Variants in SPMIP3 observed in about 807,000 individuals in gnomAD.
SPMIP3 encodes the protein protein SPMIP3.
chr1:244,373,491 C>A, the SPMIP3 span, among the ~76,000 whole-genome samples: 1 of 150,858 alleles, frequency 6.6e-6, no homozygotes, highest in Non-Finnish European at 1.5e-5. Flanking sequence ...CAGTGAGACT[C>A]CATCTCTAAA....
chr1:244,358,607 A>G, the SPMIP3 span, among the ~76,000 whole-genome samples: 2 of 101,718 alleles, frequency 2.0e-5, no homozygotes, highest in Admixed American at 1.3e-4. Flanking sequence ...TTAAGTATGT[A>G]TGTGTATGTG....
chr1:244,373,216 T>TA, the SPMIP3 span, among the ~76,000 whole-genome samples: 215 of 150,356 alleles, frequency 1.4e-3, 3 homozygotes, highest in East Asian at 0.017. Context: ...CCCTGTCTTT[T>TA]AAAAAAAATG....
chr1:244,358,229 CAAAAAGAAAAAGAAAA>C, the SPMIP3 span, among the ~76,000 whole-genome samples: 3 of 134,652 alleles, frequency 2.2e-5, no homozygotes, highest in Non-Finnish European at 5.1e-5. Context: ...GACTCTGTCT[CAAAAAGAAAAAGAAAA>C]GAAAAGAAAA....
At chr1:244,378,817 T>A in the SPMIP3 span, among the ~76,000 whole-genome samples, 1 of 151,122 alleles carries the variant, frequency 6.6e-6, no homozygotes, top group East Asian at 2.0e-4. Flanking sequence ...TTCCCAAGGC[T>A]CCCCGCTACC....
chr1:244,367,074 G>A, the SPMIP3 span, among the ~76,000 whole-genome samples: 1 of 152,198 alleles, frequency 6.6e-6, no homozygotes, highest in Non-Finnish European at 1.5e-5. Context: ...ATAGGGGCAG[G>A]GGGTGGGAGA....
the SPMIP3 span, chr1:244,375,450 T>C: frequency 6.2e-7 from 1 of 1,613,750 alleles, no homozygotes; most frequent in Non-Finnish European, 8.5e-7. Flanking sequence ...TTGATCATAG[T>C]GCAAAGAGAG....
chr1:244,376,695 A>C, the SPMIP3 span, among the ~76,000 whole-genome samples: 8 of 152,226 alleles, frequency 5.3e-5, no homozygotes, highest in Non-Finnish European at 1.2e-4. Context: ...TTATCCATTT[A>C]ATTCAATTGA....
chr1:244,389,076 C>A, the SPMIP3 span: 1 of 1,599,088 alleles, frequency 6.3e-7, no homozygotes, highest in Non-Finnish European at 8.6e-7. Flanking sequence ...ATAACCACGG[C>A]ATTCGAACAA....
the SPMIP3 span, among the ~76,000 whole-genome samples, chr1:244,373,461 C>CTGCACTA: frequency 2.0e-5 from 3 of 149,952 alleles, no homozygotes; most frequent in Non-Finnish European, 1.5e-5. Flanking sequence ...TATGATCACA[C>CTGCACTA]TGCACTATAG....
At chr1:244,387,078 G>T in the SPMIP3 span, among the ~76,000 whole-genome samples, 2 of 152,310 alleles carry the variant, frequency 1.3e-5, no homozygotes, top group South Asian at 2.1e-4. Context: ...CAAGGTGGGC[G>T]GATCACTTGG....
At chr1:244,368,150 G>A in the SPMIP3 span, among the ~76,000 whole-genome samples, 2 of 152,014 alleles carry the variant, frequency 1.3e-5, no homozygotes, top group Non-Finnish European at 2.9e-5. Context: ...GTAGAGACAA[G>A]GTTTCACCAT....
the SPMIP3 span, among the ~76,000 whole-genome samples, chr1:244,355,841 C>A: frequency 1.3e-5 from 2 of 152,186 alleles, no homozygotes; most frequent in Admixed American, 6.5e-5. Context: ...TCTCTGGTTT[C>A]TTTCGTCAAC....
At chr1:244,369,717 G>A in the SPMIP3 span, among the ~76,000 whole-genome samples, 1 of 152,162 alleles carries the variant, frequency 6.6e-6, no homozygotes, top group Non-Finnish European at 1.5e-5. Context: ...AACGTGAGAA[G>A]AACTGGTTAG....
chr1:244,384,153 C>A, the SPMIP3 span, among the ~76,000 whole-genome samples: 1 of 152,166 alleles, frequency 6.6e-6, no homozygotes, highest in Non-Finnish European at 1.5e-5. Flanking sequence ...TGGGGAGCAG[C>A]ATGGGGCGAA....
At chr1:244,378,471 C>T in the SPMIP3 span, 447 of 1,612,180 alleles carry the variant, frequency 2.8e-4, 2 homozygotes, top group South Asian at 2.8e-3. Context: ...ATTTAGACCG[C>T]TCATAGACTT....
the SPMIP3 span, chr1:244,364,564 C>T: frequency 1.2e-4 from 97 of 809,212 alleles, 1 homozygote; most frequent in Non-Finnish European, 2.0e-4. Context: ...ATGCATAGTC[C>T]TTCTACCATG....
At chr1:244,378,415 G>C in the SPMIP3 span, 1 of 1,520,052 alleles carries the variant, frequency 6.6e-7, no homozygotes, top group Non-Finnish European at 9.0e-7. Flanking sequence ...ACGAGAAAAT[G>C]GACTGCTTTT....
At chr1:244,379,705 C>T in the SPMIP3 span, among the ~76,000 whole-genome samples, 3 of 152,124 alleles carry the variant, frequency 2.0e-5, no homozygotes, top group African/African-American at 4.8e-5. Flanking sequence ...GGGGGCCAGG[C>T]GCAGTGGCTC....
At chr1:244,370,300 A>G in the SPMIP3 span, among the ~76,000 whole-genome samples, 1 of 152,194 alleles carries the variant, frequency 6.6e-6, no homozygotes, top group African/African-American at 2.4e-5. Flanking sequence ...ATTCTTGTGG[A>G]GCCGGCAGAG....
Sources: allele counts gnomAD v4.1 joint callset (sites outside exome capture counted in the v4.1 genomes callset), GRCh38; gene constraint gnomAD v4.1.1; transcripts MANE v1.5; gene names NCBI Gene and HGNC (gene_info 2026-07-23, HGNC 2026-07-21).